Variants in IGSF21 observed in about 807,000 individuals in gnomAD.
IGSF21 encodes the protein immunoglobin superfamily member 21.
A neutral mutation model predicts 46.8 loss-of-function variants in IGSF21; 28 were observed. That is an observed-to-expected ratio of 0.60 (90% CI 0.44 to 0.82). The LOEUF (loss-of-function observed/expected upper bound fraction) is 0.82, where lower values mean the gene tolerates loss of function less well. IGSF21 is among the 40% of genes least tolerant of loss of function. IGSF21 has a pLI of 0.00. For missense variants in IGSF21, 624 were observed against 665.5 expected (o/e 0.94, Z 0.69); for synonymous variants, 284 against 273.6 (o/e 1.04, Z -0.38).
intron 4 of IGSF21, among the ~76,000 whole-genome samples, chr1:18,343,828 CT>C (rs1453901823): frequency 2.0e-5 from 3 of 152,214 alleles, no homozygotes; most frequent in Non-Finnish European, 4.4e-5. Flanking sequence ...ACGTCTGGTG[CT>C]TTTCTAACCA....
chr1:18,293,969 C>T (rs1295158725), intron 3 of IGSF21, among the ~76,000 whole-genome samples: 1 of 152,210 alleles, frequency 6.6e-6, no homozygotes, highest in Non-Finnish European at 1.5e-5. Context: ...GATGAAAATC[C>T]CAGCTCAGTC....
chr1:18,377,487 AG>A, intron 9 of IGSF21, 56 bp downstream of exon 9: 1 of 1,438,626 alleles, frequency 7.0e-7, no homozygotes. Context: ...TTGAGGCGCC[AG>A]AAAGCTCTGG....
At position 18,365,141 on chromosome 1, in the gene IGSF21, T is replaced by C; in HGVS notation, c.541-82T>C. 5.8e-6 allele frequency: 6 copies of C among 1,043,100 alleles called. No individual in the cohort carries two copies. The highest frequency in any genetic ancestry group is 8.7e-6 in the Non-Finnish European group (6 of 691,540). The allele number at this position is 1,043,100 out of a possible 1,614,324, so 64.6% of individuals were successfully genotyped here. On this transcript the variant is annotated intron_variant, in intron 5 of 9. Transcript: ENST00000251296. This position sits in a 1 kb window ranked among gnomAD's most constrained non-coding sequence, Gnocchi z 4.8. Reference sequence around the variant, plus strand: ...ATGCTCTGGAAGAACTGGCATCCTGTGCCCAGTTCATCGGAGAACCCACTG... The same window carrying C: ...ATGCTCTGGAAGAACTGGCATCCTGCGCCCAGTTCATCGGAGAACCCACTG...
intron 2 of IGSF21, among the ~76,000 whole-genome samples, chr1:18,248,418 T>C (rs936692598): frequency 2.6e-5 from 4 of 152,206 alleles, no homozygotes; most frequent in African/African-American, 7.2e-5. Context: ...GCGTGATTGA[T>C]AGATTGCCTT....
At chr1:18,216,399 G>A (rs1352765666) in intron 1 of IGSF21, among the ~76,000 whole-genome samples, 5 of 152,164 alleles carry the variant, frequency 3.3e-5, no homozygotes, top group Non-Finnish European at 7.3e-5. Flanking sequence ...AAGGCAATGG[G>A]GCAGGGAAAT....
chr1:18,127,145 A>C (rs919663049), intron 1 of IGSF21, among the ~76,000 whole-genome samples: 2 of 151,990 alleles, frequency 1.3e-5, no homozygotes, highest in Non-Finnish European at 2.9e-5. Context: ...ACATGACCAC[A>C]CTGAGCCTCA....
chr1:18,233,715 G>A (rs80196967), intron 2 of IGSF21, among the ~76,000 whole-genome samples: 1,717 of 152,200 alleles, frequency 0.011, 31 homozygotes, highest in African/African-American at 0.039. Context: ...GGATCACCAC[G>A]GTTAGATTCC....
intron 1 of IGSF21, among the ~76,000 whole-genome samples, chr1:18,138,014 G>A (rs2086382817): frequency 6.6e-6 from 1 of 152,102 alleles, no homozygotes; most frequent in Admixed American, 6.5e-5. Flanking sequence ...TAGAAGCCAG[G>A]GCCATCTTCT....
intron 2 of IGSF21, among the ~76,000 whole-genome samples, chr1:18,275,121 A>T (rs1412464028): frequency 6.6e-6 from 1 of 152,178 alleles, no homozygotes; most frequent in Non-Finnish European, 1.5e-5. Flanking sequence ...ACCGATTACA[A>T]ATTTCAAATT....
chr1:18,161,900 A>G (rs1030565478), intron 1 of IGSF21, among the ~76,000 whole-genome samples: 2 of 152,162 alleles, frequency 1.3e-5, no homozygotes, highest in African/African-American at 2.4e-5. Context: ...TGGGCAGGGC[A>G]CTTAACGTCT....
At chr1:18,231,827 C>T (rs1319942947) in intron 2 of IGSF21, among the ~76,000 whole-genome samples, 1 of 151,782 alleles carries the variant, frequency 6.6e-6, no homozygotes, top group Non-Finnish European at 1.5e-5. Flanking sequence ...AAGAGAATAG[C>T]AGTGAGTGAT....
intron 2 of IGSF21, among the ~76,000 whole-genome samples, chr1:18,261,627 G>C (rs6678402): frequency 0.021 from 3,231 of 152,352 alleles, 111 homozygotes; most frequent in African/African-American, 0.062. Context: ...TGCACTGCCT[G>C]TGGGGTAGCC....
At chr1:18,209,625 T>C (rs1289991194) in intron 1 of IGSF21, among the ~76,000 whole-genome samples, 1 of 150,398 alleles carries the variant, frequency 6.6e-6, no homozygotes, top group Non-Finnish European at 1.5e-5. Context: ...TGGCTAATTT[T>C]TTTTTTTTTT....
At chr1:18,318,461 C>T (rs223209) in intron 3 of IGSF21, among the ~76,000 whole-genome samples, 2,681 of 90,436 alleles carry the variant, frequency 0.03, 92 homozygotes, top group African/African-American at 0.11. Flanking sequence ...CGTGTGCGTG[C>T]GTGCGTGTGT....
At chr1:18,182,789 A>G (rs563375377) in intron 1 of IGSF21, among the ~76,000 whole-genome samples, 3 of 152,284 alleles carry the variant, frequency 2.0e-5, no homozygotes, top group South Asian at 4.2e-4. Context: ...TAGGGGTGGG[A>G]ACAGAGCCAA....
At chr1:18,157,048 C>G (rs574793844) in intron 1 of IGSF21, among the ~76,000 whole-genome samples, 39 of 152,132 alleles carry the variant, frequency 2.6e-4, no homozygotes, top group African/African-American at 9.2e-4. Context: ...TGCTTGAACC[C>G]GGAAGGCGGA....
chr1:18,123,354 T>C (rs1033468407), intron 1 of IGSF21, among the ~76,000 whole-genome samples: 2 of 152,144 alleles, frequency 1.3e-5, no homozygotes, highest in South Asian at 2.1e-4. Context: ...CCTGGGAGCA[T>C]AGGACAGAGC....
intron 2 of IGSF21, among the ~76,000 whole-genome samples, chr1:18,235,356 G>A (rs2084663201): frequency 6.6e-6 from 1 of 152,210 alleles, no homozygotes; most frequent in Non-Finnish European, 1.5e-5. Context: ...TGCTCACACA[G>A]TTTACCATGG....
At chr1:18,357,609 G>C (rs74058138) in intron 4 of IGSF21, among the ~76,000 whole-genome samples, 19 of 152,210 alleles carry the variant, frequency 1.2e-4, no homozygotes, top group African/African-American at 4.6e-4. Flanking sequence ...CTTTTATTGG[G>C]CTATGCAGGC....
Sources: gnomAD v4.1 joint callset for allele counts (sites outside exome capture counted in the v4.1 genomes callset) on GRCh38, gnomAD v4.1.1 for gene constraint, Gnocchi (gnomAD v3.1) non-coding constraint, MANE v1.5 for transcripts, NCBI Gene and HGNC (gene_info 2026-07-23, HGNC 2026-07-21) for gene names.